The following SIK3 variants were observed in gnomAD, a reference collection of about 807,000 sequenced individuals.
SIK3 encodes the protein serine/threonine-protein kinase SIK3.
SIK3 carries 28 observed loss-of-function variants against 144.2 expected under a neutral mutation model. That is an observed-to-expected ratio of 0.19 (90% CI 0.14 to 0.27). SIK3 has a LOEUF of 0.27. SIK3 is among the 10% of genes least tolerant of loss of function. The probability of loss-of-function intolerance (pLI) is 1.00; values close to 1 mark genes in which losing one functional copy is unlikely to be tolerated. For synonymous variants in SIK3, 686 were observed against 676.3 expected (o/e 1.01, Z -0.22); for missense variants, 1,319 against 1,776.0 (o/e 0.74, Z 4.62).
intron 1 of SIK3, among the ~76,000 whole-genome samples, chr11:117,093,672 A>T (rs111248262): frequency 6.5e-4 from 54 of 83,032 alleles, no homozygotes; most frequent in African/African-American, 5.6e-3. Context: ...ATTGCTATTT[A>T]AAAAAAAAAA....
chr11:117,013,971 T>TC (rs1491187388), intron 1 of SIK3, among the ~76,000 whole-genome samples: 1 of 74,042 alleles, frequency 1.4e-5, no homozygotes, highest in African/African-American at 5.3e-5. Flanking sequence ...TTTTTTCTTT[T>TC]CTTTTTTTTT....
At chr11:116,972,531 T>C (rs909621651) in intron 1 of SIK3, among the ~76,000 whole-genome samples, 1 of 152,190 alleles carries the variant, frequency 6.6e-6, no homozygotes, top group Non-Finnish European at 1.5e-5. Context: ...GTACCCAATA[T>C]TTTTAAAAGT....
At chr11:116,943,102 A>G (rs2135289031) in intron 3 of SIK3, among the ~76,000 whole-genome samples, 1 of 152,250 alleles carries the variant, frequency 6.6e-6, no homozygotes, top group East Asian at 1.9e-4. Context: ...CATGGATTCA[A>G]TCAAGCCCCT....
At position 116,927,239 on chromosome 11, in the gene SIK3, T is replaced by C; in HGVS notation, c.596A>G (p.Asn199Ser). The change falls in exon 4 of 25, where the codon AAT becomes AGT. Residue 199 changes from asparagine (N) to serine (S), a missense_variant. Physicochemically the swap from Asn to Ser is conservative, Grantham distance 46 (BLOSUM62 1). Transcript: ENST00000445177. ...CTCACCTGCTATTTTGATATTCAGATTGGCATCCAGAAGTAAATTTTCAGC... is the reference window on the plus strand; with the variant it reads ...CTCACCTGCTATTTTGATATTCAGACTGGCATCCAGAAGTAAATTTTCAGC... Reference protein sequence around the residue: ...LKAENLLLDANLNIKIADFGF... With the variant: ...LKAENLLLDASLNIKIADFGF... The C allele has an allele frequency of 1.2e-6, 2 of 1,613,980 alleles. No individual in the cohort carries two copies. Among genetic ancestry groups the C allele is most frequent in the Non-Finnish European group, 1.7e-6 (2 of 1,179,890 alleles).
chr11:117,075,357 T>C (rs1954465240), intron 1 of SIK3, among the ~76,000 whole-genome samples: 1 of 152,162 alleles, frequency 6.6e-6, no homozygotes, highest in African/African-American at 2.4e-5. Context: ...TGACAGCATA[T>C]CTGACAACTC....
At chr11:116,970,326 A>G (rs1457707225) in intron 1 of SIK3, among the ~76,000 whole-genome samples, 4 of 152,164 alleles carry the variant, frequency 2.6e-5, no homozygotes, top group African/African-American at 9.7e-5. Flanking sequence ...CACTGTGCCA[A>G]TTCCTAATTC....
chr11:116,852,927 G>T (rs373250862), intron 21 of SIK3, among the ~76,000 whole-genome samples: 8 of 152,330 alleles, frequency 5.3e-5, no homozygotes, highest in African/African-American at 1.9e-4. Context: ...TCATCAGTAG[G>T]TCAAAGACCT....
At chr11:117,012,285 T>A (rs771132925) in intron 1 of SIK3, among the ~76,000 whole-genome samples, 5 of 152,292 alleles carry the variant, frequency 3.3e-5, no homozygotes, top group African/African-American at 7.2e-5. Flanking sequence ...TCAAATACTT[T>A]TTAGAAAAGT....
intron 1 of SIK3, among the ~76,000 whole-genome samples, chr11:117,069,020 A>T (rs1197478634): frequency 6.6e-6 from 1 of 152,166 alleles, no homozygotes; most frequent in Non-Finnish European, 1.5e-5. Context: ...GCTGCACTAC[A>T]GATAGATTGA....
chr11:117,093,972 T>C (rs1209151364), intron 1 of SIK3, among the ~76,000 whole-genome samples: 1 of 152,182 alleles, frequency 6.6e-6, no homozygotes, highest in Non-Finnish European at 1.5e-5. Flanking sequence ...ATGATGATGA[T>C]GGTAATATTT....
At chr11:116,929,077 G>C (rs887892123) in intron 3 of SIK3, among the ~76,000 whole-genome samples, 4 of 152,156 alleles carry the variant, frequency 2.6e-5, no homozygotes, top group African/African-American at 9.7e-5. Context: ...TAAACAACAC[G>C]AAGTCCAAAC....
Position 117,098,161 on chromosome 11 carries a change from G to A in SIK3, c.255C>T (p.His85=). 2.1e-5 allele frequency: 32 copies of A among 1,513,228 alleles called. No homozygotes were observed. Among genetic ancestry groups the A allele is most frequent in the Non-Finnish European group, 2.7e-5 (31 of 1,129,770 alleles). 93.7% of individuals were successfully genotyped at this position (1,513,228 alleles called of 1,614,324 possible). The change falls in exon 1 of 25, where the codon CAC becomes CAT. Residue 85 remains histidine, a synonymous_variant. Transcript: ENST00000445177. The stretch of plus-strand genomic sequence containing the variant: ...CCGGTACCTTGGCCTTGGTGACGAG[G>A]TGCGTGGCCCGCTTGACCACCGCGA... ...GNFAVVKRAT[H]LVTKAKVAIK...
chr11:117,013,967 C>CCTTTTTTTTTTTTTT (rs756680301), intron 1 of SIK3, among the ~76,000 whole-genome samples: 2 of 7,368 alleles, frequency 2.7e-4, no homozygotes, highest in Admixed American at 2.2e-3. Flanking sequence ...TTCTTTTTTT[C>CCTTTTTTTTTTTTTT]TTTTCTTTTT....
At chr11:116,982,851 G>C (rs1439046232) in intron 1 of SIK3, among the ~76,000 whole-genome samples, 1 of 148,546 alleles carries the variant, frequency 6.7e-6, no homozygotes, top group African/African-American at 2.5e-5. Context: ...GGTTGAAGCA[G>C]GATAATCGCT....
chr11:116,909,448 T>G (rs530527189), intron 4 of SIK3, among the ~76,000 whole-genome samples: 1 of 152,314 alleles, frequency 6.6e-6, no homozygotes, highest in Non-Finnish European at 1.5e-5. Context: ...AATTTTCTAG[T>G]TTTTTGACCT....
intron 1 of SIK3, among the ~76,000 whole-genome samples, chr11:117,061,197 C>A (rs1490016072): frequency 6.6e-6 from 1 of 151,852 alleles, no homozygotes; most frequent in African/African-American, 2.4e-5. Context: ...TGGTAAGCTG[C>A]GATCATACCA....
In SIK3 at chr11:116,867,180, G is replaced by A. The variant is rs753666954; in HGVS notation, c.1952+766C>T. Among the ~76,000 whole-genome samples the A allele has an allele frequency of 6.6e-6, 1 of 152,172 alleles. No homozygotes were observed. The highest frequency in any genetic ancestry group is 1.5e-5 in the Non-Finnish European group (1 of 68,026). ...AAAATACGCTCTAGTAACTGGTGGT[G>A]GCTTTGAACGTGTGGGCCATGAGCT... On this transcript the variant is annotated intron_variant, in intron 15 of 24. Transcript: ENST00000445177. The surrounding 1 kb of genome is among the most constrained non-coding windows in gnomAD (Gnocchi z 4.1).
chr11:116,872,406 G>A (rs1395783896), intron 13 of SIK3, among the ~76,000 whole-genome samples: 3 of 152,112 alleles, frequency 2.0e-5, no homozygotes, highest in Non-Finnish European at 4.4e-5. Flanking sequence ...TGTTATTACT[G>A]TGGTACTTAA....
chr11:116,849,177 G>A lies in SIK3; in HGVS notation c.3762C>T (p.His1254=). ...GYPARPSVHE[H]HRPRALQRHH... The stretch of plus-strand genomic sequence containing the variant: ...GTCTCTGGAGGGCCCGGGGCCTGTG[G>A]TGCTCATGGACGGAGGGGCGTGCTG... Residue 1254 remains histidine, a synonymous_variant, in exon 22 of 25, where the codon CAC becomes CAT. Transcript: ENST00000445177. This position sits in a 1 kb window ranked among gnomAD's most constrained non-coding sequence, Gnocchi z 4.2. 1 of 1,613,910 alleles carries A rather than the reference G, an allele frequency of 6.2e-7. No individual in the cohort carries two copies. The highest frequency in any genetic ancestry group is 1.1e-5 in the South Asian group (1 of 91,066).
Sources: gnomAD v4.1 joint callset for allele counts (sites outside exome capture counted in the v4.1 genomes callset) on GRCh38, gnomAD v4.1.1 for gene constraint, Gnocchi (gnomAD v3.1) non-coding constraint, MANE v1.5 for transcripts, NCBI Gene and HGNC (gene_info 2026-07-23, HGNC 2026-07-21) for gene names.